The following DEPDC5 variants were observed in gnomAD, a reference collection of about 807,000 sequenced individuals.
DEPDC5 encodes the protein DEP domain containing 5, GATOR1 subcomplex subunit.
DEPDC5 carries 73 observed loss-of-function variants against 217.3 expected under a neutral mutation model. The observed-to-expected ratio is 0.34, with a 90% confidence interval of 0.28 to 0.41. The LOEUF is 0.41. DEPDC5 is among the 10% of genes least tolerant of loss of function. The pLI is 1.00. For missense variants in DEPDC5, 1,675 were observed against 2,070.1 expected (o/e 0.81, Z 3.70); for synonymous variants, 733 against 756.7 (o/e 0.97, Z 0.51).
chr22:31,873,285 C>T lies in DEPDC5; in HGVS notation c.3516C>T (p.Thr1172=). The T allele has an allele frequency of 4.3e-6, 7 of 1,614,110 alleles. No homozygotes were observed. Among genetic ancestry groups the T allele is most frequent in the Non-Finnish European group, 5.9e-6 (7 of 1,179,976 alleles). The change falls in exon 35 of 43, where the codon ACC becomes ACT. Residue 1172 remains threonine (T), a synonymous_variant. Transcript: ENST00000651528. ...SSQQLVASSL[T]SSSTLTEILE... ...AGCAGCTGGTGGCAAGCTCCTTGACCTCATCCTCTACCCTGACAGAGATCC... is the reference window on the plus strand; with the variant it reads ...AGCAGCTGGTGGCAAGCTCCTTGACTTCATCCTCTACCCTGACAGAGATCC...
At position 31,843,195 on chromosome 22, in the gene DEPDC5, G is replaced by A; in HGVS notation, c.2616G>A (p.Val872=). The change falls in exon 28 of 43, where the codon GTG becomes GTA. Residue 872 remains valine (V), a synonymous_variant. Transcript: ENST00000651528. ...CGCTGAAGGATAAGATGATCACAGT[G>A]ACGCGATACCTTCCCAAGTGAGTAT... is the stretch of plus-strand genomic sequence containing the variant. The part of the protein sequence containing the change: ...KVTLKDKMIT[V]TRYLPKYPYE... 1 of 1,614,048 alleles carries A rather than the reference G, an allele frequency of 6.2e-7. No homozygotes were observed. Among genetic ancestry groups the A allele is most frequent in the Non-Finnish European group, 8.5e-7 (1 of 1,179,998 alleles).
intron 41 of DEPDC5, among the ~76,000 whole-genome samples, chr22:31,902,329 C>T (rs192948973): frequency 6.6e-6 from 1 of 150,730 alleles, no homozygotes; most frequent in Admixed American, 6.7e-5. Context: ...TCATGTTAGT[C>T]ATGGTAAAAA....
chr22:31,825,604 T>C (rs2090080659), intron 24 of DEPDC5, among the ~76,000 whole-genome samples: 1 of 152,140 alleles, frequency 6.6e-6, no homozygotes, highest in African/African-American at 2.4e-5. Flanking sequence ...TCTGATTGGC[T>C]CCTCACCTCC....
At chr22:31,875,835 G>A (rs1346324439) in intron 36 of DEPDC5, 1 of 190,746 alleles carries the variant, frequency 5.2e-6, no homozygotes, top group Non-Finnish European at 1.1e-5. Flanking sequence ...ATTTCACCAT[G>A]TTGGCCAGAC....
At chr22:31,846,408 G>A (rs1054003393) in intron 30 of DEPDC5, among the ~76,000 whole-genome samples, 2 of 152,112 alleles carry the variant, frequency 1.3e-5, no homozygotes, top group African/African-American at 4.8e-5. Context: ...GCTGCCTTAT[G>A]TACACAACAT....
chr22:31,793,472 TAAGTA>T (rs1601888046), intron 12 of DEPDC5, among the ~76,000 whole-genome samples: 2 of 152,178 alleles, frequency 1.3e-5, no homozygotes, highest in African/African-American at 4.8e-5. Context: ...TGCCATTGAC[TAAGTA>T]AATTATCAAT....
intron 39 of DEPDC5, chr22:31,894,299 A>G (rs1388195769): frequency 6.6e-6 from 1 of 151,776 alleles, no homozygotes; most frequent in Non-Finnish European, 1.5e-5. Context: ...CATTGGATAC[A>G]TACTACTTAC....
rs1043512477 is a variant in DEPDC5, at chr22:31,802,052, A to G, written c.947-652A>G. On this transcript the variant is annotated intron_variant, in intron 14 of 42. Coordinates refer to ENST00000651528, the MANE Select transcript of DEPDC5 (RefSeq NM_001242896.3). Reference sequence around the variant, plus strand: ...AATATATATAATATTAAAATAATATATAATATATAAAATAATATAATCAAA... The same window carrying G: ...AATATATATAATATTAAAATAATATGTAATATATAAAATAATATAATCAAA... Among the ~76,000 whole-genome samples the G allele has an allele frequency of 1.0e-4, 15 of 147,954 alleles. No individual in the cohort carries two copies. In the East Asian group the frequency reaches 2.9e-3, roughly 29 times the overall value.
In DEPDC5 at chr22:31,806,103, CTGTT is replaced by C. The variant is rs150103661; in HGVS notation, c.1218-13_1218-10del. Reference sequence around the variant, plus strand: ...ATAAAGGGAATTTAGATTAATGACTCTGTTTGTTTCTTTTACAGTTTCTACACAT... The same window carrying C: ...ATAAAGGGAATTTAGATTAATGACTCTGTTTCTTTTACAGTTTCTACACAT... On this transcript the variant is annotated splice_polypyrimidine_tract_variant and intron_variant, in intron 17 of 42. Coordinates refer to ENST00000651528, the MANE Select transcript of DEPDC5 (RefSeq NM_001242896.3). 1,882 of 1,602,800 alleles carry C rather than the reference CTGTT, an allele frequency of 1.2e-3. 17 individuals carry two copies. The African/African-American group carries it at 0.02, about 17-fold the overall frequency.
chr22:31,755,807 A>G (rs771278069), intron 2 of DEPDC5, among the ~76,000 whole-genome samples: 1 of 152,030 alleles, frequency 6.6e-6, no homozygotes, highest in Non-Finnish European at 1.5e-5. Context: ...TTCTGTCTTA[A>G]CAGCATTATT....
At chr22:31,817,729 C>T (rs2089289918) in intron 21 of DEPDC5, among the ~76,000 whole-genome samples, 1 of 151,902 alleles carries the variant, frequency 6.6e-6, no homozygotes, top group Non-Finnish European at 1.5e-5. Context: ...TCAAGTGATC[C>T]TTCCACCTTG....
chr22:31,773,639 C>T (rs957940616), intron 7 of DEPDC5, among the ~76,000 whole-genome samples: 1 of 152,140 alleles, frequency 6.6e-6, no homozygotes, highest in Non-Finnish European at 1.5e-5. Flanking sequence ...TTGCTGACTT[C>T]GTGAATGCCT....
At chr22:31,840,413 C>T (rs934209683) in intron 27 of DEPDC5, among the ~76,000 whole-genome samples, 3 of 152,154 alleles carry the variant, frequency 2.0e-5, no homozygotes, top group East Asian at 1.9e-4. Context: ...AGGAATAAGC[C>T]GGAGGTGCAG....
At chr22:31,782,138 A>AT (rs771378249) in intron 8 of DEPDC5, among the ~76,000 whole-genome samples, 1,616 of 143,174 alleles carry the variant, frequency 0.011, 25 homozygotes, top group African/African-American at 0.033. Context: ...TCTGAAAAAA[A>AT]TTTTTTTTTT....
chr22:31,839,768 A>G (rs2091278299), intron 27 of DEPDC5, among the ~76,000 whole-genome samples: 1 of 152,204 alleles, frequency 6.6e-6, no homozygotes, highest in Admixed American at 6.5e-5. Flanking sequence ...TTGAGTGCCA[A>G]GACTATTTCT....
At chr22:31,815,463 C>T (rs377201136) in intron 21 of DEPDC5, 18 of 673,216 alleles carry the variant, frequency 2.7e-5, no homozygotes, top group Admixed American at 7.5e-5. Context: ...CACCTCAGTG[C>T]GGCCTTGAAC....
At chr22:31,782,865 C>G (rs2084590969) in intron 8 of DEPDC5, among the ~76,000 whole-genome samples, 1 of 152,192 alleles carries the variant, frequency 6.6e-6, no homozygotes, top group Non-Finnish European at 1.5e-5. Flanking sequence ...AAACAGGGCT[C>G]AGAGTTAAGA....
intron 31 of DEPDC5, among the ~76,000 whole-genome samples, chr22:31,847,327 G>A (rs966862498): frequency 6.6e-6 from 1 of 151,540 alleles, no homozygotes; most frequent in African/African-American, 2.4e-5. Flanking sequence ...AGACCAGCCT[G>A]GCCAACATGG....
chr22:31,797,548 G>A (rs1410018431), intron 12 of DEPDC5, 52 bp from the exon 13 acceptor site: 2 of 1,501,696 alleles, frequency 1.3e-6, no homozygotes, highest in South Asian at 1.1e-5. Context: ...GGGACACAGA[G>A]CCAAACCATA....
Sources: gnomAD v4.1 joint callset for allele counts (sites outside exome capture counted in the v4.1 genomes callset) on GRCh38, gnomAD v4.1.1 for gene constraint, MANE v1.5 for transcripts, NCBI Gene and HGNC (gene_info 2026-07-23, HGNC 2026-07-21) for gene names.